Variants in MARCHF1 observed in about 807,000 individuals in gnomAD.
MARCHF1 encodes membrane associated ring-CH-type finger 1, also known as E3 ubiquitin-protein ligase MARCHF1.
Under a neutral mutation model 54.2 loss-of-function variants are expected in MARCHF1, and 40 were observed. The observed-to-expected ratio is 0.74, with a 90% CI of 0.57 to 0.96. The LOEUF is 0.96. MARCHF1 is among the 40% of genes least tolerant of loss of function. MARCHF1 has a pLI of 0.00. For synonymous variants in MARCHF1, 236 were observed against 236.3 expected (o/e 1.00, Z 0.01); for missense variants, 586 against 656.5 (o/e 0.89, Z 1.17).
chr4:163,616,383 C>A (rs144529466), intron 5 of MARCHF1, among the ~76,000 whole-genome samples: 2 of 152,056 alleles, frequency 1.3e-5, no homozygotes, highest in African/African-American at 4.8e-5. Flanking sequence ...ATAGAATATA[C>A]AAGGAACCCA....
At chr4:164,295,941 T>C (rs1392496633) in intron 1 of MARCHF1, among the ~76,000 whole-genome samples, 2 of 152,034 alleles carry the variant, frequency 1.3e-5, no homozygotes, top group African/African-American at 4.8e-5. Flanking sequence ...GAATTAATGG[T>C]GAATCTAAAA....
intron 1 of MARCHF1, among the ~76,000 whole-genome samples, chr4:164,217,397 G>T (rs1287821080): frequency 6.6e-6 from 1 of 152,118 alleles, no homozygotes; most frequent in Non-Finnish European, 1.5e-5. Context: ...AAAACAAAAT[G>T]ATTCTGTGTA....
chr4:163,788,781 T>C (rs927439097), intron 4 of MARCHF1, among the ~76,000 whole-genome samples: 2 of 152,018 alleles, frequency 1.3e-5, no homozygotes, highest in African/African-American at 4.8e-5. Context: ...TCCCTTTCCT[T>C]ACTCTGTTAG....
chr4:163,841,841 T>G (rs951954361), intron 4 of MARCHF1, among the ~76,000 whole-genome samples: 1 of 152,166 alleles, frequency 6.6e-6, no homozygotes, highest in Admixed American at 6.6e-5. Context: ...TTGTTAAATT[T>G]TATTCCTGTA....
rs572482412 is a variant in MARCHF1, at chr4:164,266,118, ATT to A, written c.-323+117750_-323+117751del. Reference sequence around the variant, plus strand: ...TAAATGAACAAGTGAATAAATGGATATTGTCTCATTTTTAGAATAGAGTACTA... The same window carrying A: ...TAAATGAACAAGTGAATAAATGGATAGTCTCATTTTTAGAATAGAGTACTA... On this transcript the variant is annotated intron_variant, in intron 1 of 9. Coordinates refer to ENST00000514618, the MANE Select transcript of MARCHF1 (RefSeq NM_001394959.1). 1.5e-3 allele frequency among the ~76,000 whole-genome samples: 224 copies of A among 152,282 alleles called. 1 individual carries two copies. Among genetic ancestry groups the A allele is most frequent in the Admixed American group, 4.3e-3 (66 of 15,278 alleles).
Position 163,528,537 on chromosome 4 carries a change from C to G in MARCHF1, c.*211G>C, listed in dbSNP as rs1490353398. 1 of 513,238 alleles carries G rather than the reference C, an allele frequency of 1.9e-6. No homozygotes were observed. The highest frequency in any genetic ancestry group is 3.1e-5 in the East Asian group (1 of 32,296). The allele number at this position is 513,238 out of a possible 1,614,324, so 31.8% of individuals were successfully genotyped here. ...TCTTGCAAACTTCACATTTCCATAT[C>G]ATACTTTACTTTACGCTATTACTTC... On this transcript the variant is annotated 3_prime_UTR_variant, in exon 10 of 10. Transcript: ENST00000514618.
intron 4 of MARCHF1, among the ~76,000 whole-genome samples, chr4:163,702,920 G>C (rs1377929996): frequency 6.6e-6 from 1 of 152,146 alleles, no homozygotes; most frequent in African/African-American, 2.4e-5. Flanking sequence ...TTAACACGTG[G>C]TAGGACAGTG....
At chr4:163,780,548 T>C (rs1389429262) in intron 4 of MARCHF1, among the ~76,000 whole-genome samples, 1 of 152,152 alleles carries the variant, frequency 6.6e-6, no homozygotes, top group African/African-American at 2.4e-5. Flanking sequence ...GGGTCATTAT[T>C]TGGTGGTCCT....
At chr4:164,315,378 G>A (rs75971848) in intron 1 of MARCHF1, among the ~76,000 whole-genome samples, 2,768 of 152,158 alleles carry the variant, frequency 0.018, 74 homozygotes, top group East Asian at 0.12. Context: ...GCAGATCGAT[G>A]AGAACTTAAT....
rs554272349 is a variant in MARCHF1, at chr4:164,277,328, A to G, written c.-323+106542T>C. Among the ~76,000 whole-genome samples the G allele has an allele frequency of 7.2e-5, 11 of 152,340 alleles. No individual in the cohort carries two copies. In the South Asian group the frequency reaches 1.7e-3, roughly 23 times the overall value. ...TTTGTTAAGTGAAGTAATAAATTCA[A>G]TCAAATCACATCACCTGTTTAAAGC... On this transcript the variant is annotated intron_variant, in intron 1 of 9. Transcript: ENST00000514618.
chr4:164,202,068 C>A (rs1255234830), intron 1 of MARCHF1, among the ~76,000 whole-genome samples: 2 of 152,106 alleles, frequency 1.3e-5, no homozygotes, highest in Non-Finnish European at 2.9e-5. Flanking sequence ...CTGGAACTTG[C>A]AACTGATAGG....
At chr4:164,377,550 C>T (rs1731229199) in intron 1 of MARCHF1, among the ~76,000 whole-genome samples, 1 of 151,746 alleles carries the variant, frequency 6.6e-6, no homozygotes, top group South Asian at 2.1e-4. Flanking sequence ...GATTCGTTAA[C>T]CATGGAGTTC....
At chr4:164,152,528 C>T (rs1729968810) in intron 1 of MARCHF1, among the ~76,000 whole-genome samples, 1 of 152,076 alleles carries the variant, frequency 6.6e-6, no homozygotes, top group Non-Finnish European at 1.5e-5. Flanking sequence ...AAATATTTAA[C>T]CCCAAAATAC....
At chr4:164,177,806 G>GACACACACACAC (rs3059817) in intron 1 of MARCHF1, among the ~76,000 whole-genome samples, 56 of 149,310 alleles carry the variant, frequency 3.8e-4, no homozygotes, top group African/African-American at 9.3e-4. Flanking sequence ...GTATGAAAGA[G>GACACACACACAC]ACACACACAC....
chr4:163,599,509 C>T (rs962668093), intron 7 of MARCHF1, among the ~76,000 whole-genome samples: 2 of 151,970 alleles, frequency 1.3e-5, no homozygotes, highest in African/African-American at 4.8e-5. Context: ...CAAATGCTCA[C>T]CTCCTTTATT....
At chr4:164,067,303 G>A (rs1579506234) in intron 2 of MARCHF1, among the ~76,000 whole-genome samples, 2 of 152,162 alleles carry the variant, frequency 1.3e-5, no homozygotes, top group East Asian at 1.9e-4. Context: ...AGGCAAATCT[G>A]GAAGCATCAC....
intron 2 of MARCHF1, among the ~76,000 whole-genome samples, chr4:164,094,331 ACAGGT>A (rs1490549902): frequency 6.6e-6 from 1 of 152,204 alleles, no homozygotes; most frequent in African/African-American, 2.4e-5. Flanking sequence ...CAATACAGGT[ACAGGT>A]CAACTAAACT....
chr4:163,918,490 A>T (rs1380035643), intron 3 of MARCHF1, among the ~76,000 whole-genome samples: 1 of 152,126 alleles, frequency 6.6e-6, no homozygotes, highest in Non-Finnish European at 1.5e-5. Context: ...CCAAAATCTG[A>T]AAAGAAGCAT....
chr4:163,681,089 A>T (rs971262568), intron 5 of MARCHF1, among the ~76,000 whole-genome samples: 1 of 151,848 alleles, frequency 6.6e-6, no homozygotes, highest in Non-Finnish European at 1.5e-5. Flanking sequence ...TGCTAACCAG[A>T]TATTAAAGGG....
Sources: allele counts gnomAD v4.1 joint callset (sites outside exome capture counted in the v4.1 genomes callset), GRCh38; gene constraint gnomAD v4.1.1; transcripts MANE v1.5; gene names NCBI Gene and HGNC (gene_info 2026-07-23, HGNC 2026-07-21).